Variants in PTGER3 observed in about 807,000 individuals in gnomAD.
The protein encoded by PTGER3 is prostaglandin E receptor 3, also known as prostaglandin E2 receptor EP3 subtype.
A neutral mutation model predicts 34.7 loss-of-function variants in PTGER3; 22 were observed. That is an observed-to-expected ratio of 0.63 (90% confidence interval 0.45 to 0.91). The LOEUF (loss-of-function observed/expected upper bound fraction) is 0.91, where lower values mean the gene tolerates loss of function less well. Among genes scored for constraint, PTGER3 ranks in the 40% least tolerant of loss-of-function variants. The probability of loss-of-function intolerance (pLI) is 0.00; values close to 1 mark genes in which losing one functional copy is unlikely to be tolerated. For missense variants in PTGER3, 468 were observed against 519.4 expected (o/e 0.90, Z 0.96); for synonymous variants, 241 against 230.1 (o/e 1.05, Z -0.43).
intron 4 of PTGER3, among the ~76,000 whole-genome samples, chr1:70,945,432 A>G (rs1650135645): frequency 6.6e-6 from 1 of 152,170 alleles, no homozygotes; most frequent in South Asian, 2.1e-4. Flanking sequence ...GTCTATGCAT[A>G]TGAAGTCCAG....
chr1:71,010,147 A>G, intron 2 of PTGER3: 1 of 985,056 alleles, frequency 1.0e-6, no homozygotes, highest in Non-Finnish European at 1.2e-6. Context: ...GCCTTTCTGT[A>G]TTTTTGCAGT....
At chr1:71,034,563 T>C (rs1409021533) in intron 1 of PTGER3, among the ~76,000 whole-genome samples, 2 of 152,122 alleles carry the variant, frequency 1.3e-5, no homozygotes, top group Admixed American at 1.3e-4. Context: ...GAGTTGTCAG[T>C]AAAAAATGTA....
chr1:70,939,506 G>T (rs545809017), intron 4 of PTGER3, among the ~76,000 whole-genome samples: 1 of 152,238 alleles, frequency 6.6e-6, no homozygotes, highest in Non-Finnish European at 1.5e-5. Context: ...CCCTAGTAGA[G>T]GTTCTCCATC....
intron 2 of PTGER3, among the ~76,000 whole-genome samples, chr1:70,987,123 G>T (rs1655000112): frequency 1.3e-5 from 2 of 152,076 alleles, no homozygotes. Flanking sequence ...AGATATCAAT[G>T]GCCCTAAACA....
chr1:71,003,837 C>T (rs1202595772), intron 2 of PTGER3, among the ~76,000 whole-genome samples: 1 of 152,128 alleles, frequency 6.6e-6, no homozygotes, highest in Non-Finnish European at 1.5e-5. Flanking sequence ...ATCATAGAGG[C>T]TCTCACAGAA....
intron 4 of PTGER3, chr1:70,869,385 C>T: frequency 2.4e-6 from 1 of 422,954 alleles, no homozygotes; most frequent in East Asian, 7.2e-5. Flanking sequence ...TATATCATTC[C>T]ACCCCTCTTC....
intron 4 of PTGER3, among the ~76,000 whole-genome samples, chr1:70,922,868 A>G (rs1647684396): frequency 6.6e-6 from 1 of 152,214 alleles, no homozygotes; most frequent in Non-Finnish European, 1.5e-5. Context: ...TTAATTGTAA[A>G]AGAAATTCTG....
chr1:71,025,453 A>G (rs903455051), intron 1 of PTGER3, among the ~76,000 whole-genome samples: 3 of 152,106 alleles, frequency 2.0e-5, no homozygotes, highest in Non-Finnish European at 4.4e-5. Flanking sequence ...CCCAAGGAAA[A>G]AAAGAAGATA....
chr1:70,932,968 A>G (rs1298861715), intron 4 of PTGER3, among the ~76,000 whole-genome samples: 2 of 152,164 alleles, frequency 1.3e-5, no homozygotes, highest in South Asian at 2.1e-4. Flanking sequence ...AGGCAGAGTC[A>G]GGGGTTCTCT....
chr1:70,882,835 T>A (rs1337556085), intron 4 of PTGER3, among the ~76,000 whole-genome samples: 2 of 152,218 alleles, frequency 1.3e-5, no homozygotes, highest in African/African-American at 4.8e-5. Flanking sequence ...GCTTTGCTTC[T>A]CTCTGCTCTG....
Position 70,971,071 on chromosome 1 carries a change from A to G in PTGER3, c.*659T>C, listed in dbSNP as rs565276135. On this transcript the variant is annotated 3_prime_UTR_variant, in exon 4 of 4. Transcript: ENST00000306666. ...GCTGCATCACTCCTTTGTCATCAAAAGCTTAGAAATAACAATTAAGCAGAT... is the reference window on the plus strand; with the variant it reads ...GCTGCATCACTCCTTTGTCATCAAAGGCTTAGAAATAACAATTAAGCAGAT... The G allele has an allele frequency of 2.0e-6, 2 of 985,354 alleles. No homozygotes were observed. Among genetic ancestry groups the G allele is most frequent in the South Asian group, 9.4e-5 (2 of 21,292 alleles). The allele number at this position is 985,354 out of a possible 1,614,324, so 61.0% of individuals were successfully genotyped here.
At chr1:70,879,449 G>T (rs1646341036) in intron 4 of PTGER3, among the ~76,000 whole-genome samples, 1 of 152,046 alleles carries the variant, frequency 6.6e-6, no homozygotes, top group African/African-American at 2.4e-5. Flanking sequence ...GTTTTCCCAT[G>T]TTGGCCAGGC....
intron 2 of PTGER3, among the ~76,000 whole-genome samples, chr1:71,000,365 C>T (rs568989175): frequency 1.3e-5 from 2 of 152,280 alleles, no homozygotes; most frequent in African/African-American, 2.4e-5. Context: ...TGATAACATA[C>T]GAAAAGTGTA....
rs183127623 is a variant in PTGER3, at chr1:71,033,208, C to T, written c.897+13473G>A. 3.1e-3 allele frequency among the ~76,000 whole-genome samples: 466 copies of T among 152,244 alleles called. 9 individuals carry two copies. Among genetic ancestry groups the T allele is most frequent in the Non-Finnish European group, 6.6e-4 (45 of 68,014 alleles). On this transcript the variant is annotated intron_variant, in intron 1 of 3. Coordinates refer to ENST00000306666, the MANE Select transcript of PTGER3 (RefSeq NM_198719.2). ...AGGCCTGGAGAGGAAGAGAGAGGTC[C>T]TATTTCTTGTCAGAGTCATAGGACA...
intron 2 of PTGER3, chr1:71,009,742 C>A (rs759035431): frequency 5.1e-6 from 5 of 985,084 alleles, no homozygotes; most frequent in Non-Finnish European, 6.0e-6. Context: ...ATAATCTATA[C>A]ATGCATTTTT....
At chr1:70,966,127 C>T (rs1169915481), downstream of PTGER3, among the ~76,000 whole-genome samples, 2 of 152,154 alleles carry the variant, frequency 1.3e-5, no homozygotes, top group Admixed American at 6.6e-5. Context: ...AGAAGTAATA[C>T]AATTTATATT....
downstream of PTGER3, among the ~76,000 whole-genome samples, chr1:70,947,660 C>A (rs188579186): frequency 6.6e-6 from 1 of 152,156 alleles, no homozygotes; most frequent in African/African-American, 2.4e-5. Flanking sequence ...GGACAATGCA[C>A]AAACCCAGGC....
chr1:70,945,862 G>A (rs1056107589), intron 4 of PTGER3, among the ~76,000 whole-genome samples: 4 of 151,990 alleles, frequency 2.6e-5, no homozygotes, highest in African/African-American at 9.7e-5. Context: ...TTTTTGCCTA[G>A]GGCTCATTTT....
intron 4 of PTGER3, among the ~76,000 whole-genome samples, chr1:70,881,423 C>T (rs940514604): frequency 2.6e-5 from 4 of 152,174 alleles, no homozygotes; most frequent in Non-Finnish European, 5.9e-5. Flanking sequence ...TTGGTCATTG[C>T]AGCCAGGTTA....
Sources: gnomAD v4.1 joint callset for allele counts (sites outside exome capture counted in the v4.1 genomes callset) on GRCh38, gnomAD v4.1.1 for gene constraint, MANE v1.5 for transcripts, NCBI Gene and HGNC (gene_info 2026-07-23, HGNC 2026-07-21) for gene names.